Variants in ARHGEF17 observed in about 807,000 individuals in gnomAD.
The protein encoded by ARHGEF17 is 164 kDa Rho-specific guanine-nucleotide exchange factor.
Under a neutral mutation model 174.0 loss-of-function variants are expected in ARHGEF17, and 80 were observed. The observed-to-expected ratio is 0.46, with a 90% confidence interval of 0.38 to 0.55. ARHGEF17 has a LOEUF of 0.55. Ranked by LOEUF, ARHGEF17 falls within the 20% of genes least tolerant of loss-of-function variation. ARHGEF17 has a pLI of 0.00. For synonymous variants in ARHGEF17, 1,311 were observed against 1,189.1 expected, an observed-to-expected ratio of 1.10 and a Z score of -2.11; for missense variants, 2,886 against 2,839.7, an observed-to-expected ratio of 1.02 and a Z score of -0.37.
intron 1 of ARHGEF17, 87 bp from the exon 2 acceptor site, chr11:73,346,796 G>T (rs770314534): frequency 9.3e-7 from 1 of 1,076,814 alleles, no homozygotes; most frequent in Admixed American, 3.9e-5. Context: ...GAGGGTGTGG[G>T]CGGGTTCTCT....
chr11:73,313,999 T>A lies in ARHGEF17; in HGVS notation c.3192+2169T>A, dbSNP rs543043802. 1.8e-4 allele frequency among the ~76,000 whole-genome samples: 27 copies of A among 152,294 alleles called. No individual in the cohort carries two copies. The East Asian group carries it at 4.8e-3, about 27-fold the overall frequency. On this transcript the variant is annotated intron_variant, in intron 1 of 20. Coordinates refer to ENST00000263674, the MANE Select transcript of ARHGEF17 (RefSeq NM_014786.4). ...GGCTGGGTCCTCGGGGGCCTCAGTATAACCTGGTGGACTGCAGTAGCCTCT... is the reference window on the plus strand; with the variant it reads ...GGCTGGGTCCTCGGGGGCCTCAGTAAAACCTGGTGGACTGCAGTAGCCTCT...
At position 73,346,792 on chromosome 11, in the gene ARHGEF17, G is replaced by A. The variant is rs987362774; in HGVS notation, c.3193-91G>A. On this transcript the variant is annotated intron_variant, in intron 1 of 20. Coordinates refer to ENST00000263674, the MANE Select transcript of ARHGEF17 (RefSeq NM_014786.4). ...AGGGCCAGGAGGGCAGGGAGAGGGT[G>A]TGGGCGGGTTCTCTGGGCACCATGT... 9.6e-6 allele frequency: 10 copies of A among 1,040,814 alleles called. No homozygotes were observed. The African/African-American group carries it at 1.7e-4, about 17-fold the overall frequency. 64.5% of individuals were successfully genotyped at this position (1,040,814 alleles called of 1,614,324 possible).
intron 1 of ARHGEF17, among the ~76,000 whole-genome samples, chr11:73,333,751 C>G (rs1362011518): frequency 6.6e-6 from 1 of 152,132 alleles, no homozygotes; most frequent in African/African-American, 2.4e-5. Context: ...CTGGTTGGGC[C>G]TCTCTGGACA....
chr11:73,334,138 T>G (rs1396737078), intron 1 of ARHGEF17, among the ~76,000 whole-genome samples: 1 of 152,202 alleles, frequency 6.6e-6, no homozygotes, highest in Non-Finnish European at 1.5e-5. Context: ...GCAGCTTGCC[T>G]GAGTGCAAGC....
rs111866003 is a variant in ARHGEF17, at chr11:73,308,568, G to C, written c.-71G>C. 8 of 1,303,326 alleles carry C rather than the reference G, an allele frequency of 6.1e-6. No homozygotes were observed. The African/African-American group carries it at 7.8e-5, about 13-fold the overall frequency. The allele number at this position is 1,303,326 out of a possible 1,614,324, so 80.7% of individuals were successfully genotyped here. A position where few individuals can be genotyped will look rare whatever the true frequency, so the allele number is the denominator to read the frequency against. On this transcript the variant is annotated 5_prime_UTR_variant, in exon 1 of 21. Transcript: ENST00000263674. ...TTCGGCGTGGGCCGCTGCGCTCCTA[G>C]GGAGTGGGGGCGCAGGGGGGGTTGG...
intron 1 of ARHGEF17, among the ~76,000 whole-genome samples, chr11:73,317,482 G>T (rs2135788450): frequency 6.6e-6 from 1 of 152,368 alleles, no homozygotes. Context: ...TGGTCCCACA[G>T]AGTTCCCACT....
chr11:73,337,258 A>C (rs931540281), intron 1 of ARHGEF17, among the ~76,000 whole-genome samples: 1 of 152,124 alleles, frequency 6.6e-6, no homozygotes, highest in African/African-American at 2.4e-5. Context: ...ATATTTTTAA[A>C]TTAGCTGGGC....
At chr11:73,364,358 T>C in intron 17 of ARHGEF17, 94 bp from the exon 18 acceptor site, 2 of 1,603,660 alleles carry the variant, frequency 1.2e-6, no homozygotes, top group Non-Finnish European at 1.7e-6. Context: ...TTTCTTTGCT[T>C]ATAAAAGGGG....
At chr11:73,347,117 C>A (rs910130115) in intron 2 of ARHGEF17, 157 bp downstream of exon 2, 3 of 775,752 alleles carry the variant, frequency 3.9e-6, no homozygotes, top group African/African-American at 3.4e-5. Context: ...CCAGCATGGC[C>A]ATTCCAGAGA....
At chr11:73,347,603 A>G (rs571934024) in intron 2 of ARHGEF17, among the ~76,000 whole-genome samples, 13 of 152,310 alleles carry the variant, frequency 8.5e-5, no homozygotes, top group African/African-American at 3.1e-4. Flanking sequence ...GCCAGCACAG[A>G]GCACAACGCG....
intron 2 of ARHGEF17, among the ~76,000 whole-genome samples, chr11:73,348,558 G>T (rs1456440292): frequency 6.6e-6 from 1 of 152,222 alleles, no homozygotes; most frequent in African/African-American, 2.4e-5. Flanking sequence ...GAGGTTCCTG[G>T]GGTAGTCAGA....
At chr11:73,324,364 CAGG>C (rs1173935606) in intron 1 of ARHGEF17, among the ~76,000 whole-genome samples, 1 of 152,154 alleles carries the variant, frequency 6.6e-6, no homozygotes, top group Non-Finnish European at 1.5e-5. Context: ...GTGGGGGAGG[CAGG>C]AGGAGGACAG....
At chr11:73,357,175 G>T (rs1229442510) in intron 8 of ARHGEF17, 41 bp downstream of exon 8, 4 of 1,612,688 alleles carry the variant, frequency 2.5e-6, no homozygotes, top group Middle Eastern at 3.3e-4. Context: ...CCAACAGGGG[G>T]AGCATTTGTC....
chr11:73,319,950 G>A (rs1188433922), intron 1 of ARHGEF17, among the ~76,000 whole-genome samples: 3 of 152,134 alleles, frequency 2.0e-5, no homozygotes, highest in Non-Finnish European at 1.5e-5. Flanking sequence ...CTCCCAAGAA[G>A]GGCAATTGAT....
At position 73,317,743 on chromosome 11, in the gene ARHGEF17, G is replaced by A. The variant is rs189176100; in HGVS notation, c.3192+5913G>A. Reference sequence around the variant, plus strand: ...AATTCTCAGCTCCCAGGGTCTCTGGGGCATTCTGGGGGTTGGGAGAGACAG... The same window carrying A: ...AATTCTCAGCTCCCAGGGTCTCTGGAGCATTCTGGGGGTTGGGAGAGACAG... On this transcript the variant is annotated intron_variant, in intron 1 of 20. Transcript: ENST00000263674. Among the ~76,000 whole-genome samples, 25 of 152,302 alleles carry A rather than the reference G, an allele frequency of 1.6e-4. No individual in the cohort carries two copies. The East Asian group carries it at 4.6e-3, about 28-fold the overall frequency.
chr11:73,308,699 C>G lies in ARHGEF17; in HGVS notation c.61C>G (p.Arg21Gly). The change falls in exon 1 of 21, where the codon CGC becomes GGC. Residue 21 changes from arginine to glycine, a missense_variant. Arg to Gly is a moderately radical substitution (Grantham distance 125, BLOSUM62 -2). Coordinates refer to ENST00000263674, the MANE Select transcript of ARHGEF17 (RefSeq NM_014786.4). ...CAGCGTCTCGTTCAAGCTGCTGGAGCGCTGGAGCGGCGGCCCCGGGCTGAG... is the reference window on the plus strand; with the variant it reads ...CAGCGTCTCGTTCAAGCTGCTGGAGGGCTGGAGCGGCGGCCCCGGGCTGAG... ...YRSVSFKLLE[R>G]WSGGPGLREE... The G allele has an allele frequency of 6.6e-7, 1 of 1,518,476 alleles. No individual in the cohort carries two copies. 94.1% of individuals were successfully genotyped at this position (1,518,476 alleles called of 1,614,324 possible).
At chr11:73,320,628 CAAAAAAAAAAAA>C (rs1165583721) in intron 1 of ARHGEF17, among the ~76,000 whole-genome samples, 4 of 57,712 alleles carry the variant, frequency 6.9e-5, no homozygotes, top group African/African-American at 1.3e-4. Context: ...GACTCCGTCT[CAAAAAAAAAAAA>C]AAAAAAAAAA....
intron 2 of ARHGEF17, among the ~76,000 whole-genome samples, chr11:73,347,922 C>G (rs1028613478): frequency 9.2e-5 from 14 of 152,164 alleles, no homozygotes; most frequent in Middle Eastern, 3.4e-3. Context: ...TTGTGGGGGG[C>G]AAGGTGGGGA....
At chr11:73,320,660 G>GT (rs1865003533) in intron 1 of ARHGEF17, among the ~76,000 whole-genome samples, 1 of 140,478 alleles carries the variant, frequency 7.1e-6, no homozygotes, top group African/African-American at 2.8e-5. Flanking sequence ...AGATGATGAT[G>GT]ATTTTTTTTT....
Sources: allele counts gnomAD v4.1 joint callset (sites outside exome capture counted in the v4.1 genomes callset), GRCh38; gene constraint gnomAD v4.1.1; transcripts MANE v1.5; gene names NCBI Gene and HGNC (gene_info 2026-07-23, HGNC 2026-07-21).